Variants in GABRB1 observed in about 807,000 individuals in gnomAD.
GABRB1 encodes the protein gamma-aminobutyric acid type A receptor subunit beta1.
A neutral mutation model predicts 51.6 loss-of-function variants in GABRB1; 17 were observed. The ratio of observed to expected loss-of-function variants is 0.33; its 90% CI spans 0.23 to 0.49. The LOEUF (loss-of-function observed/expected upper bound fraction) is 0.49. GABRB1 is among the 20% of genes least tolerant of loss of function. GABRB1 has a pLI of 0.99. For missense variants in GABRB1, 410 were observed against 600.6 expected (o/e 0.68, Z 3.32); for synonymous variants, 247 against 218.9 (o/e 1.13, Z -1.14).
intron 4 of GABRB1, among the ~76,000 whole-genome samples, chr4:47,276,905 G>C (rs1723096527): frequency 6.6e-6 from 1 of 151,948 alleles, no homozygotes; most frequent in African/African-American, 2.4e-5. Flanking sequence ...GTGGGGTGGA[G>C]GTAAGGGAAA....
intron 3 of GABRB1, among the ~76,000 whole-genome samples, chr4:47,152,473 T>A (rs1196345555): frequency 6.6e-6 from 1 of 151,882 alleles, no homozygotes; most frequent in Non-Finnish European, 1.5e-5. Flanking sequence ...AAAGAGTGAG[T>A]GACTGATCCT....
At chr4:47,043,007 G>T (rs1246712010) in intron 3 of GABRB1, 1 of 151,958 alleles carries the variant, frequency 6.6e-6, no homozygotes, top group Non-Finnish European at 1.5e-5. Context: ...ACATTAAATG[G>T]TGGTGAAATT....
intron 4 of GABRB1, among the ~76,000 whole-genome samples, chr4:47,162,917 A>G (rs1197991194): frequency 6.6e-6 from 1 of 152,018 alleles, no homozygotes; most frequent in Non-Finnish European, 1.5e-5. Flanking sequence ...TTCTGGCACC[A>G]ATTTTCTCTG....
intron 3 of GABRB1, among the ~76,000 whole-genome samples, chr4:47,051,612 G>A (rs1009256216): frequency 6.6e-6 from 1 of 152,080 alleles, no homozygotes; most frequent in Non-Finnish European, 1.5e-5. Context: ...TTCCACATCT[G>A]GGTCAGCATT....
intron 4 of GABRB1, among the ~76,000 whole-genome samples, chr4:47,260,786 T>C (rs1171849496): frequency 2.0e-5 from 3 of 152,132 alleles, no homozygotes; most frequent in Non-Finnish European, 4.4e-5. Context: ...TGAACATTGA[T>C]GCAAAAATCC....
chr4:47,187,249 A>C (rs983485283), intron 4 of GABRB1, among the ~76,000 whole-genome samples: 1 of 151,924 alleles, frequency 6.6e-6, no homozygotes. Flanking sequence ...CATGAGTCCA[A>C]CTTTTGCTTC....
chr4:47,273,201 G>A (rs1183645263), intron 4 of GABRB1, among the ~76,000 whole-genome samples: 1 of 152,118 alleles, frequency 6.6e-6, no homozygotes, highest in Non-Finnish European at 1.5e-5. Context: ...CATCTATCAT[G>A]TTATACAGGA....
At chr4:47,146,110 G>A (rs529399366) in intron 3 of GABRB1, among the ~76,000 whole-genome samples, 3 of 152,042 alleles carry the variant, frequency 2.0e-5, no homozygotes, top group South Asian at 2.1e-4. Flanking sequence ...TCACTTTAGC[G>A]GTCACACCGT....
At chr4:47,286,764 CAATA>C (rs1403403565) in intron 4 of GABRB1, among the ~76,000 whole-genome samples, 1 of 151,966 alleles carries the variant, frequency 6.6e-6, no homozygotes, top group Non-Finnish European at 1.5e-5. Flanking sequence ...TCAATGTAGA[CAATA>C]AATTAATAAC....
chr4:47,099,150 A>G (rs1714606702), intron 3 of GABRB1, among the ~76,000 whole-genome samples: 1 of 152,104 alleles, frequency 6.6e-6, no homozygotes, highest in Non-Finnish European at 1.5e-5. Flanking sequence ...TCTATCAAAG[A>G]ACAAACAAAG....
At chr4:47,288,322 G>A (rs1334525484) in intron 4 of GABRB1, among the ~76,000 whole-genome samples, 1 of 151,786 alleles carries the variant, frequency 6.6e-6, no homozygotes. Flanking sequence ...GAGTGCAGTG[G>A]CGCGATCTCG....
chr4:47,210,225 T>A (rs1720301501), intron 4 of GABRB1, among the ~76,000 whole-genome samples: 1 of 152,136 alleles, frequency 6.6e-6, no homozygotes, highest in Non-Finnish European at 1.5e-5. Context: ...CATTATGTGC[T>A]CCAGGTTTTT....
intron 5 of GABRB1, among the ~76,000 whole-genome samples, chr4:47,331,451 A>G (rs1237670572): frequency 6.6e-6 from 1 of 152,126 alleles, no homozygotes; most frequent in East Asian, 1.9e-4. Flanking sequence ...TATACTACAG[A>G]CAGTTTATTT....
In GABRB1 at chr4:47,036,695, C is replaced by G. The variant is rs550545583; in HGVS notation, c.240+4211C>G. Among the ~76,000 whole-genome samples, 4 of 152,150 alleles carry G rather than the reference C, an allele frequency of 2.6e-5. No individual in the cohort carries two copies. The South Asian group carries it at 8.3e-4, about 32-fold the overall frequency. On this transcript the variant is annotated intron_variant, in intron 3 of 8. Coordinates refer to ENST00000295454, the MANE Select transcript of GABRB1 (RefSeq NM_000812.4). Reference sequence around the variant, plus strand: ...TGGCCAACATGGTGAAACCCCATGTCTACCAAAAGTATACAAATTAGCTGG... The same window carrying G: ...TGGCCAACATGGTGAAACCCCATGTGTACCAAAAGTATACAAATTAGCTGG...
chr4:47,335,874 G>A (rs1725679926), intron 5 of GABRB1, among the ~76,000 whole-genome samples: 1 of 152,180 alleles, frequency 6.6e-6, no homozygotes. Context: ...TGAGATGTAT[G>A]TTGAATGTAT....
intron 5 of GABRB1, among the ~76,000 whole-genome samples, chr4:47,334,119 G>A (rs988288459): frequency 6.6e-6 from 1 of 152,166 alleles, no homozygotes; most frequent in African/African-American, 2.4e-5. Context: ...CTGAGTTAGT[G>A]AGCCTGAGCT....
intron 3 of GABRB1, among the ~76,000 whole-genome samples, chr4:47,147,000 T>G (rs935232060): frequency 2.0e-5 from 3 of 152,036 alleles, no homozygotes; most frequent in Non-Finnish European, 4.4e-5. Flanking sequence ...CTGGGCCACT[T>G]TTATTGCTGA....
At chr4:47,388,114 CA>C (rs1367934113) in intron 5 of GABRB1, among the ~76,000 whole-genome samples, 2 of 151,996 alleles carry the variant, frequency 1.3e-5, no homozygotes, top group African/African-American at 4.8e-5. Flanking sequence ...TTATTGGCTC[CA>C]AAATACATAA....
chr4:47,084,660 C>T (rs1365618308), intron 3 of GABRB1, among the ~76,000 whole-genome samples: 1 of 152,158 alleles, frequency 6.6e-6, no homozygotes, highest in Non-Finnish European at 1.5e-5. Flanking sequence ...CCTTACCTAC[C>T]TGATTCTGAG....
Sources: allele counts gnomAD v4.1 joint callset (sites outside exome capture counted in the v4.1 genomes callset), GRCh38; gene constraint gnomAD v4.1.1; transcripts MANE v1.5; gene names NCBI Gene and HGNC (gene_info 2026-07-23, HGNC 2026-07-21).